The following TRMT9B variants were observed in gnomAD, a reference collection of about 807,000 sequenced individuals.
TRMT9B encodes tRNA methyltransferase 9B (putative).
Under a neutral mutation model 11.5 loss-of-function variants are expected in TRMT9B, and 16 were observed. The ratio of observed to expected loss-of-function variants is 1.39; its 90% CI spans 0.94 to 2.11. The LOEUF is 2.11. Ranked by LOEUF, TRMT9B falls within the 30% of genes most tolerant of loss-of-function variation. The probability of loss-of-function intolerance (pLI) is 0.00; values close to 1 mark genes in which losing one functional copy is unlikely to be tolerated. For missense variants in TRMT9B, 941 were observed against 553.8 expected, an observed-to-expected ratio of 1.70 and a Z score of -7.02; for synonymous variants, 274 against 192.4, an observed-to-expected ratio of 1.42 and a Z score of -3.51.
intron 3 of TRMT9B, among the ~76,000 whole-genome samples, chr8:13,008,484 C>G (rs1172283128): frequency 6.6e-6 from 1 of 152,088 alleles, no homozygotes; most frequent in Non-Finnish European, 1.5e-5. Context: ...GTATTTAAGT[C>G]TAATAATGAC....
At position 12,990,875 on chromosome 8, in the gene TRMT9B, T is replaced by C. The variant is rs1041452748; in HGVS notation, c.-158T>C. 1.6e-6 allele frequency: 2 copies of C among 1,289,588 alleles called. No homozygotes were observed. Among genetic ancestry groups the C allele is most frequent in the African/African-American group, 3.0e-5 (2 of 65,858 alleles). 79.9% of individuals were successfully genotyped at this position (1,289,588 alleles called of 1,614,324 possible). ...AGAGACTCACACAAGAGGTTTATCA[T>C]GAGAAGGACCGCACTATTTCATTTC... On this transcript the variant is annotated 5_prime_UTR_variant, in exon 2 of 5. An upstream start codon of the reference 5' UTR is lost. Coordinates refer to ENST00000524591, the MANE Select transcript of TRMT9B (RefSeq NM_020844.3).
intron 1 of TRMT9B, among the ~76,000 whole-genome samples, chr8:12,954,229 T>C (rs1255651621): frequency 1.3e-5 from 2 of 152,114 alleles, no homozygotes; most frequent in Non-Finnish European, 2.9e-5. Flanking sequence ...ATTGCAGGGG[T>C]TGTAAAGAAG....
chr8:13,010,732 T>C (rs17123382), intron 3 of TRMT9B: 1 of 984,440 alleles, frequency 1.0e-6, no homozygotes, highest in African/African-American at 1.7e-5. Context: ...TCCTAAAGTA[T>C]CCCTCGAGCC....
chr8:13,006,262 A>T lies in TRMT9B; in HGVS notation c.60A>T (p.Thr20=). 6 of 1,614,026 alleles carry T rather than the reference A, an allele frequency of 3.7e-6. No individual in the cohort carries two copies. Among genetic ancestry groups the T allele is most frequent in the Non-Finnish European group, 5.1e-6 (6 of 1,179,886 alleles). The part of the protein sequence containing the change: ...KQHVHNVYES[T]APYFSDLQSK... ...ATGTGCACAATGTGTACGAGAGCAC[A>T]GCCCCTTACTTCAGCGACCTGCAGA... Residue 20 remains threonine (T), a synonymous_variant, in exon 3 of 5, where the codon ACA becomes ACT. Coordinates refer to ENST00000524591, the MANE Select transcript of TRMT9B (RefSeq NM_020844.3).
Position 13,021,293 on chromosome 8 carries a change from A to G in TRMT9B, c.614A>G (p.Glu205Gly), listed in dbSNP as rs1455655394. The change falls in exon 5 of 5, where the codon GAG (glutamate) becomes GGG (glycine). Residue 205 changes from glutamate (E) to glycine (G), a missense_variant. Physicochemically the swap from Glu to Gly is moderately conservative, Grantham distance 98 (BLOSUM62 -2). Coordinates refer to ENST00000524591, the MANE Select transcript of TRMT9B (RefSeq NM_020844.3). ...SECSCSVCFK[E>G]QCGSKRSHSV... Reference sequence around the variant, plus strand: ...TGTAGCTGTTCTGTTTGTTTTAAAGAGCAGTGTGGTTCAAAACGGTCCCAC... The same window carrying G: ...TGTAGCTGTTCTGTTTGTTTTAAAGGGCAGTGTGGTTCAAAACGGTCCCAC... 3.7e-6 allele frequency: 6 copies of G among 1,614,004 alleles called. No individual in the cohort carries two copies. Among genetic ancestry groups the G allele is most frequent in the Admixed American group, 1.7e-5 (1 of 60,024 alleles).
chr8:13,020,133 C>A (rs1468045012), intron 4 of TRMT9B, among the ~76,000 whole-genome samples: 1 of 152,186 alleles, frequency 6.6e-6, no homozygotes, highest in Non-Finnish European at 1.5e-5. Context: ...TAGAGCAACC[C>A]TCTCAGGCTC....
intron 1 of TRMT9B, among the ~76,000 whole-genome samples, chr8:12,963,741 C>G (rs1261211722): frequency 6.6e-6 from 1 of 152,148 alleles, no homozygotes; most frequent in Admixed American, 6.5e-5. Context: ...AGAAGAAGAC[C>G]CTGTCTCAAA....
chr8:12,980,890 T>C (rs1270467557), intron 1 of TRMT9B, among the ~76,000 whole-genome samples: 1 of 152,186 alleles, frequency 6.6e-6, no homozygotes. Flanking sequence ...AAGGAGCTTG[T>C]GCTGAAATAT....
At chr8:13,013,791 A>T (rs1812108277) in intron 4 of TRMT9B, among the ~76,000 whole-genome samples, 1 of 152,006 alleles carries the variant, frequency 6.6e-6, no homozygotes, top group Non-Finnish European at 1.5e-5. Context: ...CTCTACTAAA[A>T]ATACAAAAAT....
intron 1 of TRMT9B, among the ~76,000 whole-genome samples, chr8:12,962,861 G>T (rs1802313217): frequency 1.3e-5 from 2 of 152,274 alleles, no homozygotes; most frequent in Middle Eastern, 3.4e-3. Context: ...GAACCTACTA[G>T]AAATCCTACC....
intron 2 of TRMT9B, among the ~76,000 whole-genome samples, chr8:13,001,994 C>G (rs570075240): frequency 3.3e-5 from 5 of 152,120 alleles, no homozygotes; most frequent in Non-Finnish European, 7.4e-5. Context: ...CATGTGGAAA[C>G]TATTATAGGA....
chr8:13,004,285 C>T (rs76323806), intron 2 of TRMT9B, among the ~76,000 whole-genome samples: 1,918 of 151,916 alleles, frequency 0.013, 33 homozygotes, highest in African/African-American at 0.042. Context: ...GGCCTCAGAG[C>T]CCGTGGACCA....
intron 1 of TRMT9B, among the ~76,000 whole-genome samples, chr8:12,949,566 A>G (rs944037414): frequency 4.6e-5 from 7 of 152,190 alleles, no homozygotes; most frequent in Non-Finnish European, 1.0e-4. Context: ...CTCAACTAGA[A>G]AAATCTCTTT....
At chr8:12,994,308 C>T (rs10888160) in intron 2 of TRMT9B, among the ~76,000 whole-genome samples, 37,164 of 152,132 alleles carry the variant, frequency 0.24, 5,424 homozygotes, top group East Asian at 0.59. Context: ...CTCTGATGGA[C>T]CCTCTGCTCT....
intron 2 of TRMT9B, among the ~76,000 whole-genome samples, chr8:13,001,138 T>C (rs1013333739): frequency 7.9e-5 from 12 of 152,224 alleles, no homozygotes; most frequent in Non-Finnish European, 1.5e-5. Context: ...AAATATTCTT[T>C]TGCTTCATCC....
intron 1 of TRMT9B, among the ~76,000 whole-genome samples, chr8:12,953,066 G>T (rs1391118445): frequency 3.3e-5 from 5 of 152,140 alleles, no homozygotes; most frequent in Non-Finnish European, 7.3e-5. Context: ...TGGGTTCTTT[G>T]TGATAAATGA....
intron 4 of TRMT9B, among the ~76,000 whole-genome samples, 176 bp from the exon 5 acceptor site, chr8:13,020,832 A>T (rs1255180952): frequency 6.6e-6 from 1 of 152,184 alleles, no homozygotes; most frequent in Non-Finnish European, 1.5e-5. Flanking sequence ...GCTAAAATTT[A>T]TGTTTCTCCT....
rs979027507 is a variant in TRMT9B at position 13,028,050 on chromosome 8, G to C, written c.*6006G>C. The C allele has an allele frequency of 3.6e-5, 6 of 167,016 alleles. No homozygotes were observed. The allele number at this position is 167,016 out of a possible 1,614,324, so 10.3% of individuals were successfully genotyped here. On this transcript the variant is annotated 3_prime_UTR_variant, in exon 5 of 5. Coordinates refer to ENST00000524591, the MANE Select transcript of TRMT9B (RefSeq NM_020844.3). ...CATGAGAGCACAATCAGAAACTGAA[G>C]AGAGTTGATCAAAGAGAAGATTCTA...
rs1179827226 is a variant in TRMT9B, at chr8:13,023,619, C to T, written c.*1575C>T. The T allele has an allele frequency of 6.0e-6, 1 of 167,088 alleles. No homozygotes were observed. Among genetic ancestry groups the T allele is most frequent in the South Asian group, 2.1e-4 (1 of 4,834 alleles). The allele number at this position is 167,088 out of a possible 1,614,324, so 10.4% of individuals were successfully genotyped here. On this transcript the variant is annotated 3_prime_UTR_variant, in exon 5 of 5. Transcript: ENST00000524591. ...GCAGAAATAAGTTGACCCAGGAGTA[C>T]AGTCTCAAGTAGTTCATTAATGAGA...
Sources: allele counts gnomAD v4.1 joint callset (sites outside exome capture counted in the v4.1 genomes callset), GRCh38; gene constraint gnomAD v4.1.1; transcripts MANE v1.5; gene names NCBI Gene and HGNC (gene_info 2026-07-23, HGNC 2026-07-21).